LRGUK: variants seen among roughly 807,000 people sequenced by gnomAD.
The protein encoded by LRGUK is leucine rich repeats and guanylate kinase domain containing.
LRGUK carries 65 observed loss-of-function variants against 76.0 expected under a neutral mutation model. That is an observed-to-expected ratio of 0.85 (90% confidence interval 0.70 to 1.05). LRGUK has a LOEUF of 1.05. Ranked by LOEUF, LRGUK falls within the 50% of genes least tolerant of loss-of-function variation. The pLI is 0.00. For synonymous variants in LRGUK, 268 were observed against 265.6 expected, an observed-to-expected ratio of 1.01 and a Z score of -0.09; for missense variants, 758 against 732.8, an observed-to-expected ratio of 1.03 and a Z score of -0.40.
At chr7:134,191,136 C>T (rs1800226193) in intron 11 of LRGUK, among the ~76,000 whole-genome samples, 1 of 151,988 alleles carries the variant, frequency 6.6e-6, no homozygotes, top group South Asian at 2.1e-4. Context: ...CCTGAACATA[C>T]AATTGGAATG....
intron 16 of LRGUK, among the ~76,000 whole-genome samples, chr7:134,226,152 A>G (rs956567793): frequency 2.6e-5 from 4 of 151,566 alleles, no homozygotes; most frequent in African/African-American, 9.7e-5. Context: ...ATGTGTTTAT[A>G]TTTTCTTTTG....
intron 15 of LRGUK, among the ~76,000 whole-genome samples, chr7:134,204,723 T>C (rs931718957): frequency 2.6e-5 from 4 of 152,224 alleles, no homozygotes; most frequent in African/African-American, 9.6e-5. Flanking sequence ...CTAAGGAACA[T>C]GGTCCTTATT....
At chr7:134,202,396 G>A (rs1471066357) in intron 15 of LRGUK, among the ~76,000 whole-genome samples, 1 of 152,046 alleles carries the variant, frequency 6.6e-6, no homozygotes, top group African/African-American at 2.4e-5. Flanking sequence ...TGGCAGGAGT[G>A]TAAAATGGTA....
chr7:134,139,689 A>G (rs781750244), intron 3 of LRGUK, among the ~76,000 whole-genome samples, 172 bp downstream of exon 3: 4 of 152,218 alleles, frequency 2.6e-5, no homozygotes, highest in Non-Finnish European at 5.9e-5. Context: ...TGAGAGAGAA[A>G]AAGGCACAGA....
intron 5 of LRGUK, among the ~76,000 whole-genome samples, chr7:134,153,462 A>G (rs1339685790): frequency 6.6e-6 from 1 of 152,142 alleles, no homozygotes; most frequent in Non-Finnish European, 1.5e-5. Context: ...ACCTGTAAAC[A>G]TTGACTAGTT....
In LRGUK at chr7:134,127,683, C is replaced by T. The variant is rs528791376; in HGVS notation, c.297+19C>T. The T allele has an allele frequency of 1.2e-6, 2 of 1,602,066 alleles. No individual in the cohort carries two copies. The highest frequency in any genetic ancestry group is 1.1e-5 in the South Asian group (1 of 89,740). On this transcript the variant is annotated intron_variant, in intron 1 of 15. Coordinates refer to ENST00000645682, the Ensembl canonical transcript of LRGUK. ...TTTGGAGGTGTGTCTTCCCCCCCAC[C>T]CCGTACTCCCTGGCTCCCTCGTCCA...
At chr7:134,161,564 A>AG (rs1798732930) in intron 6 of LRGUK, among the ~76,000 whole-genome samples, 4 of 152,116 alleles carry the variant, frequency 2.6e-5, no homozygotes. Context: ...TAATGAACAC[A>AG]AATCTTGCTC....
intron 1 of LRGUK, among the ~76,000 whole-genome samples, chr7:134,132,207 C>T (rs974343051): frequency 3.3e-5 from 5 of 151,846 alleles, no homozygotes; most frequent in Admixed American, 6.6e-5. Context: ...AAAAATTAGC[C>T]GACCAGCCAT....
Position 134,236,394 on chromosome 7 carries a change from A to C in LRGUK, c.1984-11162A>C, listed in dbSNP as rs149925177. ...TAATATATATTTACAGTATCTTTTA[A>C]TCTACAGGTTCTCCACCCAGCCTTT... On this transcript the variant is annotated intron_variant, in intron 16 of 19. Transcript: ENST00000285928. Among the ~76,000 whole-genome samples the C allele has an allele frequency of 6.9e-3, 1,056 of 152,260 alleles. 12 individuals carry two copies. The highest frequency in any genetic ancestry group is 0.019 in the African/African-American group (785 of 41,550).
At chr7:134,202,582 G>A (rs1364630606) in intron 15 of LRGUK, among the ~76,000 whole-genome samples, 4 of 152,160 alleles carry the variant, frequency 2.6e-5, no homozygotes, top group Non-Finnish European at 5.9e-5. Flanking sequence ...AAAGGTGGAA[G>A]GAACCCATAA....
the LRGUK span, among the ~76,000 whole-genome samples, chr7:134,273,336 A>G: frequency 6.6e-6 from 1 of 152,152 alleles, no homozygotes; most frequent in African/African-American, 2.4e-5. Context: ...TCAGAGTCCC[A>G]CATTCAAATG....
At chr7:134,256,971 A>G (rs1233865897) in intron 18 of LRGUK, among the ~76,000 whole-genome samples, 3 of 152,128 alleles carry the variant, frequency 2.0e-5, no homozygotes, top group Non-Finnish European at 4.4e-5. Context: ...GAGTGTAAAC[A>G]ATCTTTGGGG....
intron 10 of LRGUK, among the ~76,000 whole-genome samples, chr7:134,181,091 T>C (rs1345996958): frequency 1.3e-5 from 2 of 152,230 alleles, no homozygotes; most frequent in East Asian, 3.8e-4. Flanking sequence ...CTCAATTCTC[T>C]GGCTAACTAC....
At chr7:134,199,125 A>C (rs563275085) in intron 13 of LRGUK, 95 bp from the exon 14 acceptor site, 123 of 868,070 alleles carry the variant, frequency 1.4e-4, no homozygotes, top group Middle Eastern at 2.5e-4. Context: ...TATATTAATA[A>C]TACTACTTCT....
intron 12 of LRGUK, among the ~76,000 whole-genome samples, chr7:134,196,098 T>C (rs1800473840): frequency 6.6e-6 from 1 of 152,204 alleles, no homozygotes; most frequent in South Asian, 2.1e-4. Flanking sequence ...TGGGATTCAA[T>C]GCAGCCCTGG....
chr7:134,211,536 C>T (rs1347882089), downstream of LRGUK, among the ~76,000 whole-genome samples: 1 of 152,204 alleles, frequency 6.6e-6, no homozygotes, highest in East Asian at 1.9e-4. Context: ...ATTTTGCATG[C>T]ATGACTCTGT....
intron 11 of LRGUK, 130 bp from the exon 12 acceptor site, chr7:134,191,525 C>T: frequency 1.5e-6 from 1 of 676,928 alleles, no homozygotes; most frequent in Non-Finnish European, 2.6e-6. Flanking sequence ...CATATTCTTA[C>T]AACTGTATTA....
chr7:134,174,243 T>C (rs1192298087), intron 7 of LRGUK, among the ~76,000 whole-genome samples: 1 of 152,170 alleles, frequency 6.6e-6, no homozygotes, highest in African/African-American at 2.4e-5. Flanking sequence ...GGTGCATTTT[T>C]GTACTGTTTT....
chr7:134,163,037 T>A (rs1798816697), intron 6 of LRGUK, among the ~76,000 whole-genome samples: 1 of 152,194 alleles, frequency 6.6e-6, no homozygotes, highest in Admixed American at 6.5e-5. Flanking sequence ...AAGAGTTACA[T>A]TAAATTTATG....
Sources: gnomAD v4.1 joint callset for allele counts (sites outside exome capture counted in the v4.1 genomes callset) on GRCh38, gnomAD v4.1.1 for gene constraint, MANE v1.5 for transcripts, NCBI Gene and HGNC (gene_info 2026-07-23, HGNC 2026-07-21) for gene names.